The following FHIT variants were observed in gnomAD, a reference collection of about 807,000 sequenced individuals.
The protein encoded by FHIT is fragile histidine triad diadenosine triphosphatase, also known as bis(5'-adenosyl)-triphosphatase.
A neutral mutation model predicts 17.9 loss-of-function variants in FHIT; 19 were observed. The ratio of observed to expected loss-of-function variants is 1.06; its 90% CI spans 0.74 to 1.56. The LOEUF (loss-of-function observed/expected upper bound fraction) is 1.56, where lower values mean the gene tolerates loss of function less well. FHIT is among the 40% of genes most tolerant of loss of function. The pLI, the probability that FHIT is intolerant of heterozygous loss-of-function variation, is 0.00. For synonymous variants in FHIT, 81 were observed against 69.7 expected (o/e 1.16, Z -0.81); for missense variants, 248 against 189.2 (o/e 1.31, Z -1.82).
At chr3:60,423,725 G>A (rs933787226) in intron 5 of FHIT, among the ~76,000 whole-genome samples, 7 of 152,062 alleles carry the variant, frequency 4.6e-5, no homozygotes, top group Admixed American at 2.6e-4. Flanking sequence ...ACCAGTCCTG[G>A]TGCAGCTAAG....
At chr3:60,601,569 C>A (rs1540263) in intron 4 of FHIT, among the ~76,000 whole-genome samples, 85,302 of 151,930 alleles carry the variant, frequency 0.56, 24,541 homozygotes, top group Middle Eastern at 0.66. Context: ...AGAAAAACAA[C>A]AATAACAAAA....
At chr3:60,104,219 G>A (rs1394203347) in intron 5 of FHIT, among the ~76,000 whole-genome samples, 1 of 152,110 alleles carries the variant, frequency 6.6e-6, no homozygotes, top group African/African-American at 2.4e-5. Flanking sequence ...ACCCCTGAGT[G>A]GTCACGTAGC....
rs552932882 is a variant in FHIT, at chr3:60,858,183, T to C, written c.-110-36172A>G. Among the ~76,000 whole-genome samples the C allele has an allele frequency of 3.6e-4, 55 of 152,268 alleles. 1 individual carries two copies. Among genetic ancestry groups the C allele is most frequent in the African/African-American group, 1.3e-3 (54 of 41,574 alleles). On this transcript the variant is annotated intron_variant, in intron 3 of 9. Coordinates refer to ENST00000492590, the MANE Select transcript of FHIT (RefSeq NM_002012.4). ...GTACTTAAAGATCTAACCAGTATGA[T>C]AGTGCAGATTCTCTTGTAAGCAAAT... is the stretch of plus-strand genomic sequence containing the variant.
intron 1 of FHIT, among the ~76,000 whole-genome samples, chr3:61,215,930 C>G (rs2039659607): frequency 6.6e-6 from 1 of 152,174 alleles, no homozygotes; most frequent in Admixed American, 6.6e-5. Context: ...GCTGGGAAAA[C>G]TAGCTAGCCA....
chr3:60,930,499 A>T (rs766070775), intron 3 of FHIT, among the ~76,000 whole-genome samples: 1 of 152,192 alleles, frequency 6.6e-6, no homozygotes, highest in Non-Finnish European at 1.5e-5. Flanking sequence ...GAATCTACAA[A>T]GAATCAAACA....
chr3:59,889,444 A>T (rs1703758323), intron 8 of FHIT, among the ~76,000 whole-genome samples: 1 of 152,232 alleles, frequency 6.6e-6, no homozygotes, highest in Non-Finnish European at 1.5e-5. Flanking sequence ...AACTATCCTC[A>T]GATAAATGAA....
Position 60,337,644 on chromosome 3 carries a change from C to T in FHIT, c.103+199216G>A, listed in dbSNP as rs762293435. 6.6e-5 allele frequency among the ~76,000 whole-genome samples: 10 copies of T among 152,244 alleles called. No individual in the cohort carries two copies. The South Asian group carries it at 1.7e-3, about 25-fold the overall frequency. ...AGGCTTTCATGGTGGACAAGTTAGC[C>T]GTGCTGTCTCGTACACCCCACTGCA... On this transcript the variant is annotated intron_variant, in intron 5 of 9. Coordinates refer to ENST00000492590, the MANE Select transcript of FHIT (RefSeq NM_002012.4).
At chr3:60,908,753 T>G (rs868974678) in intron 3 of FHIT, among the ~76,000 whole-genome samples, 11 of 144,230 alleles carry the variant, frequency 7.6e-5, no homozygotes, top group Non-Finnish European at 1.2e-4. Context: ...AGTGAAGAGA[T>G]AGAAATCATG....
At position 60,981,310 on chromosome 3, in the gene FHIT, TTC is replaced by T. The variant is rs1297325447; in HGVS notation, c.-111+60735_-111+60736del. Reference sequence around the variant, plus strand: ...TTCTTCCTTCCTTTTTTTTTTTTTTTTCTTTTTTTTTTTTGACAGAGTCTCAC... The same window carrying T: ...TTCTTCCTTCCTTTTTTTTTTTTTTTTTTTTTTTTTTTGACAGAGTCTCAC... On this transcript the variant is annotated intron_variant, in intron 3 of 9. Coordinates refer to ENST00000492590, the MANE Select transcript of FHIT (RefSeq NM_002012.4). Among the ~76,000 whole-genome samples, 829 of 119,854 alleles carry T rather than the reference TTC, an allele frequency of 6.9e-3. 4 individuals are homozygous for T. The highest frequency in any genetic ancestry group is 0.012 in the Middle Eastern group (3 of 248). 78.6% of individuals were successfully genotyped at this position (119,854 alleles called of 152,430 possible). A position where few individuals can be genotyped will look rare whatever the true frequency, so the allele number is the denominator to read the frequency against.
chr3:60,473,483 T>G (rs924393175), intron 5 of FHIT, among the ~76,000 whole-genome samples: 1 of 152,030 alleles, frequency 6.6e-6, no homozygotes, highest in Admixed American at 6.6e-5. Flanking sequence ...AGAGACAACC[T>G]GGGAGAAGGG....
intron 5 of FHIT, among the ~76,000 whole-genome samples, chr3:60,163,649 G>T (rs1053323257): frequency 8.5e-5 from 13 of 152,104 alleles, no homozygotes; most frequent in African/African-American, 3.1e-4. Context: ...GATTTCTATG[G>T]TTTACAGCAG....
At chr3:61,178,056 T>C (rs1201021612) in intron 2 of FHIT, among the ~76,000 whole-genome samples, 2 of 152,210 alleles carry the variant, frequency 1.3e-5, no homozygotes, top group Non-Finnish European at 2.9e-5. Flanking sequence ...AAGTTTTGTT[T>C]TGATTTAAAG....
In FHIT at chr3:60,860,462, A is replaced by C. The variant is rs1427892883; in HGVS notation, c.-110-38451T>G. Among the ~76,000 whole-genome samples, 34 of 129,134 alleles carry C rather than the reference A, an allele frequency of 2.6e-4. 2 individuals are homozygous for C. Among genetic ancestry groups the C allele is most frequent in the Non-Finnish European group, 4.9e-4 (30 of 60,764 alleles). The allele number at this position is 129,134 out of a possible 152,430, so 84.7% of individuals were successfully genotyped here. A position where few individuals can be genotyped will look rare whatever the true frequency, so the allele number is the denominator to read the frequency against. ...TCATGTATATATGATACATATGTAC[A>C]TATATATGTATATATGATACATATG... On this transcript the variant is annotated intron_variant, in intron 3 of 9. Coordinates refer to ENST00000492590, the MANE Select transcript of FHIT (RefSeq NM_002012.4).
At chr3:59,807,889 G>A (rs1246261667) in intron 8 of FHIT, among the ~76,000 whole-genome samples, 6 of 152,138 alleles carry the variant, frequency 3.9e-5, no homozygotes, top group Admixed American at 1.3e-4. Context: ...TGGGTGGATC[G>A]GAAGAAAGCA....
At chr3:60,071,030 C>T (rs1007929521) in intron 5 of FHIT, among the ~76,000 whole-genome samples, 22 of 152,138 alleles carry the variant, frequency 1.4e-4, no homozygotes, top group Admixed American at 6.5e-4. Flanking sequence ...TAAACTTTAC[C>T]GTAGTCAGCA....
intron 5 of FHIT, among the ~76,000 whole-genome samples, chr3:60,087,810 G>A (rs1420429371): frequency 6.6e-6 from 1 of 152,166 alleles, no homozygotes; most frequent in Admixed American, 6.5e-5. Flanking sequence ...TCTCTAAGAA[G>A]TTCAACACTT....
At chr3:60,319,195 A>G (rs986942807) in intron 5 of FHIT, among the ~76,000 whole-genome samples, 1 of 152,174 alleles carries the variant, frequency 6.6e-6, no homozygotes, top group African/African-American at 2.4e-5. Context: ...CTTGGGGGCC[A>G]TCACTCAGCC....
chr3:60,024,003 G>A lies in FHIT; in HGVS notation c.104-9851C>T, dbSNP rs200871900. On this transcript the variant is annotated intron_variant, in intron 5 of 9. Coordinates refer to ENST00000492590, the MANE Select transcript of FHIT (RefSeq NM_002012.4). Reference sequence around the variant, plus strand: ...ATATACTTCATGGTAAAAAAAAAAAGAATTATGAATTCCTAATACAAATGT... The same window carrying A: ...ATATACTTCATGGTAAAAAAAAAAAAAATTATGAATTCCTAATACAAATGT... Among the ~76,000 whole-genome samples the A allele has an allele frequency of 3.1e-3, 393 of 124,920 alleles. 1 individual carries two copies. Among genetic ancestry groups the A allele is most frequent in the African/African-American group, 0.013 (361 of 28,210 alleles). The allele number at this position is 124,920 out of a possible 152,430, so 82.0% of individuals were successfully genotyped here. A position where few individuals can be genotyped will look rare whatever the true frequency, so the allele number is the denominator to read the frequency against.
intron 4 of FHIT, among the ~76,000 whole-genome samples, chr3:60,804,563 C>A (rs935572610): frequency 6.6e-6 from 1 of 152,168 alleles, no homozygotes; most frequent in South Asian, 2.1e-4. Context: ...CGAGTAGGAA[C>A]GAGTCAATGT....
Sources: gnomAD v4.1 joint callset for allele counts (sites outside exome capture counted in the v4.1 genomes callset) on GRCh38, gnomAD v4.1.1 for gene constraint, MANE v1.5 for transcripts, NCBI Gene and HGNC (gene_info 2026-07-23, HGNC 2026-07-21) for gene names.